The following CPLANE1 variants were observed in gnomAD, a reference collection of about 807,000 sequenced individuals.
CPLANE1 encodes ciliogenesis and planar polarity effector 1.
CPLANE1 carries 263 observed loss-of-function variants against 362.5 expected under a neutral mutation model. The observed-to-expected ratio is 0.73, with a 90% CI of 0.66 to 0.80. The LOEUF is 0.80. CPLANE1 is among the 30% of genes least tolerant of loss of function. The pLI is 0.00. For missense variants in CPLANE1, 3,461 were observed against 3,793.4 expected (o/e 0.91, Z 2.30); for synonymous variants, 1,212 against 1,302.6 (o/e 0.93, Z 1.50).
rs1462556319 is a variant in CPLANE1 at position 37,169,309 on chromosome 5, G to A, written c.6715C>T (p.Leu2239Phe). 1.9e-6 allele frequency: 3 copies of A among 1,614,142 alleles called. No homozygotes were observed. The highest frequency in any genetic ancestry group is 1.7e-5 in the Admixed American group (1 of 60,004). Reference protein sequence around the residue: ...QFKSKQEFQPLFLHTGSIPQV... With the variant: ...QFKSKQEFQPFFLHTGSIPQV... ...GGAATACTTCCTGTATGTAAGAAAA[G>A]GGGCTGGAATTCTTGTTTAGACTTA... Residue 2239 changes from leucine to phenylalanine, a missense_variant, in exon 34 of 53, where the codon CTT becomes TTT. Physicochemically the swap from Leu to Phe is conservative, Grantham distance 22. Transcript: ENST00000651892.
the CPLANE1 span, among the ~76,000 whole-genome samples, chr5:37,081,341 GTCTC>G: frequency 5.3e-5 from 8 of 150,214 alleles, no homozygotes; most frequent in African/African-American, 1.7e-4. Context: ...TTGAGACAGA[GTCTC>G]TCTCTCTCTC....
chr5:37,209,231 G>T lies in CPLANE1; in HGVS notation c.2921-2806C>A. On this transcript the variant is annotated intron_variant, in intron 16 of 52. Transcript: ENST00000651892. The surrounding 1 kb of genome is among the most constrained non-coding windows in gnomAD (Gnocchi z 4.6). Reference sequence around the variant, plus strand: ...AGCGTTCAGCACCCTTGTTCCTCCCGACCCCTCAGGACAGAAGCAGGGCTC... The same window carrying T: ...AGCGTTCAGCACCCTTGTTCCTCCCTACCCCTCAGGACAGAAGCAGGGCTC... The T allele has an allele frequency of 1.7e-6, 1 of 603,640 alleles. No individual in the cohort carries two copies. Among genetic ancestry groups the T allele is most frequent in the South Asian group, 1.8e-5 (1 of 56,508 alleles). 37.4% of individuals were successfully genotyped at this position (603,640 alleles called of 1,614,324 possible). A position where few individuals can be genotyped will look rare whatever the true frequency, so the allele number is the denominator to read the frequency against.
intron 46 of CPLANE1, among the ~76,000 whole-genome samples, chr5:37,131,113 GT>G (rs1439735826): frequency 3.3e-5 from 5 of 152,152 alleles, no homozygotes; most frequent in Non-Finnish European, 7.4e-5. Context: ...ACCTTCCTTT[GT>G]TTTTGATAAC....
chr5:37,085,232 T>C, the CPLANE1 span: 10 of 845,320 alleles, frequency 1.2e-5, no homozygotes, highest in East Asian at 9.7e-5. Flanking sequence ...TGACAGGAGA[T>C]GAAGTAAAGA....
At chr5:37,178,079 G>A (rs1243085401) in intron 29 of CPLANE1, among the ~76,000 whole-genome samples, 2 of 152,122 alleles carry the variant, frequency 1.3e-5, no homozygotes, top group African/African-American at 4.8e-5. Context: ...ATCTACTTGA[G>A]GTCAGGAGCT....
intron 16 of CPLANE1, chr5:37,211,227 G>A (rs988555465): frequency 6.8e-7 from 1 of 1,479,720 alleles, no homozygotes; most frequent in African/African-American, 1.4e-5. Flanking sequence ...TAGTTCCCCT[G>A]ATTCTGACCT....
At chr5:37,164,171 T>A in intron 37 of CPLANE1, 102 bp downstream of exon 37, 1 of 876,280 alleles carries the variant, frequency 1.1e-6, no homozygotes, top group Non-Finnish European at 1.9e-6. Flanking sequence ...TGTAGTCAGC[T>A]GGGCAGAAAT....
Position 37,183,575 on chromosome 5 carries a change from G to A in CPLANE1, c.4606C>T (p.Pro1536Ser), listed in dbSNP as rs1783224344. Residue 1536 changes from proline (P) to serine (S), a missense_variant, in exon 26 of 53, where the codon CCT becomes TCT. This residue lies in a region of CPLANE1 where 3,380 missense variants were observed against 3,666.1 expected (regional missense o/e 0.92). Coordinates refer to ENST00000651892, the MANE Select transcript of CPLANE1 (RefSeq NM_001384732.1). ...DHEKLSQNTL[P>S]VIGVWEFERD... ...TCAAATTCCCAAACACCTATTACAGGAAGTGTATTTTGTGATAACTTTTCA... is the reference window on the plus strand; with the variant it reads ...TCAAATTCCCAAACACCTATTACAGAAAGTGTATTTTGTGATAACTTTTCA... 3 of 1,612,490 alleles carry A rather than the reference G, an allele frequency of 1.9e-6. No individual in the cohort carries two copies. Among genetic ancestry groups the A allele is most frequent in the Non-Finnish European group, 1.7e-6 (2 of 1,178,888 alleles).
At chr5:37,196,100 G>A in intron 20 of CPLANE1, 104 bp from the exon 21 acceptor site, 3 of 795,684 alleles carry the variant, frequency 3.8e-6, no homozygotes, top group South Asian at 3.4e-5. Context: ...ACACAGAATG[G>A]AAAACACAGC....
chr5:37,120,124 GACTTAT>G, intron 50 of CPLANE1, 86 bp downstream of exon 50: 1 of 1,278,502 alleles, frequency 7.8e-7, no homozygotes. Context: ...TTTTTACTAA[GACTTAT>G]ACCTTTTACT....
rs1454490404 is a variant in CPLANE1 at position 37,183,284 on chromosome 5, A to G, written c.4897T>C (p.Ser1633Pro). The change falls in exon 26 of 53, where the codon TCT (serine) becomes CCT (proline). Residue 1633 changes from serine to proline, a missense_variant. By Grantham distance (74) the Ser-to-Pro change is moderately conservative. Around this residue, in one of 2 missense-constraint regions of CPLANE1, gnomAD observed 3,380 missense variants for 3,666.1 expected, o/e 0.92. Transcript: ENST00000651892. ...PESYESEKSSSLNDEYGMHLE... is the reference protein window; with the variant it reads ...PESYESEKSSPLNDEYGMHLE... ...TGCATGCCATATTCATCATTTAAAGAGGATGATTTTTCTGATTCATAGGAC... is the reference window on the plus strand; with the variant it reads ...TGCATGCCATATTCATCATTTAAAGGGGATGATTTTTCTGATTCATAGGAC... 1 of 1,613,582 alleles carries G rather than the reference A, an allele frequency of 6.2e-7. No individual in the cohort carries two copies. Among genetic ancestry groups the G allele is most frequent in the Non-Finnish European group, 8.5e-7 (1 of 1,179,874 alleles).
chr5:37,206,474 A>G lies in CPLANE1; in HGVS notation c.2921-49T>C, dbSNP rs1218500401. 5.0e-6 allele frequency: 6 copies of G among 1,197,760 alleles called. No homozygotes were observed. The South Asian group carries it at 7.9e-5, about 16-fold the overall frequency. 74.2% of individuals were successfully genotyped at this position (1,197,760 alleles called of 1,614,324 possible). On this transcript the variant is annotated intron_variant, in intron 16 of 52. Coordinates refer to ENST00000651892, the MANE Select transcript of CPLANE1 (RefSeq NM_001384732.1). ...GATTATTACAATCACATCCAAACTC[A>G]TGCTTCTTTACATGGGCATATTTAT...
the CPLANE1 span, among the ~76,000 whole-genome samples, chr5:37,098,329 T>G: frequency 7.2e-6 from 1 of 138,286 alleles, no homozygotes; most frequent in South Asian, 2.2e-4. Flanking sequence ...AGGCGGAGGT[T>G]GCAGTGAGCC....
chr5:37,162,666 G>A, intron 37 of CPLANE1, 100 bp from the exon 38 acceptor site: 1 of 746,670 alleles, frequency 1.3e-6, no homozygotes, highest in Non-Finnish European at 2.2e-6. Flanking sequence ...AAAATATGGG[G>A]TGTCAGGATG....
At chr5:37,118,680 C>T (rs954753791) in intron 50 of CPLANE1, among the ~76,000 whole-genome samples, 2 of 151,444 alleles carry the variant, frequency 1.3e-5, no homozygotes, top group African/African-American at 2.4e-5. Flanking sequence ...AATTAAAGAA[C>T]GTAAACAGAA....
Position 37,170,313 on chromosome 5 carries a change from T to C in CPLANE1, c.6190A>G (p.Met2064Val), listed in dbSNP as rs1227635878. 6 of 1,613,054 alleles carry C rather than the reference T, an allele frequency of 3.7e-6. No individual in the cohort carries two copies. The highest frequency in any genetic ancestry group is 4.2e-6 in the Non-Finnish European group (5 of 1,179,232). Residue 2064 changes from methionine (M) to valine (V), a missense_variant, in exon 33 of 53, where the codon ATG becomes GTG. Coordinates refer to ENST00000651892, the MANE Select transcript of CPLANE1 (RefSeq NM_001384732.1). ...KLVQLQQINF[M>V]SLMQIVGSSF... ...GATCCTACTATTTGCATTAGGCTCA[T>C]GAAGTTGATCTGTTGCAGCTTGAAT... is the stretch of plus-strand genomic sequence containing the variant.
At chr5:37,134,884 C>T (rs1357704246) in intron 46 of CPLANE1, among the ~76,000 whole-genome samples, 1 of 151,572 alleles carries the variant, frequency 6.6e-6, no homozygotes, top group African/African-American at 2.4e-5. Flanking sequence ...ACCTCTGCCT[C>T]CCAGGTTCAA....
At chr5:37,203,888 T>C (rs999945699) in intron 18 of CPLANE1, among the ~76,000 whole-genome samples, 1 of 152,188 alleles carries the variant, frequency 6.6e-6, no homozygotes, top group Non-Finnish European at 1.5e-5. Context: ...TGGAATGGAA[T>C]TCATTCAAGA....
At chr5:37,147,864 G>A (rs1306299681) in intron 43 of CPLANE1, among the ~76,000 whole-genome samples, 1 of 148,718 alleles carries the variant, frequency 6.7e-6, no homozygotes, top group Non-Finnish European at 1.5e-5. Flanking sequence ...AAAGCTCTGT[G>A]CAATCCTCAG....
Sources: allele counts gnomAD v4.1 joint callset (sites outside exome capture counted in the v4.1 genomes callset), GRCh38; gene constraint gnomAD v4.1.1; regional missense constraint gnomAD v4.1.1; non-coding constraint Gnocchi (gnomAD v3.1); transcripts MANE v1.5; gene names NCBI Gene and HGNC (gene_info 2026-07-23, HGNC 2026-07-21).